NEBL: variants seen among roughly 807,000 people sequenced by gnomAD.
The protein encoded by NEBL is nebulette.
Under a neutral mutation model 140.2 loss-of-function variants are expected in NEBL, and 122 were observed. The observed-to-expected ratio is 0.87, with a 90% CI of 0.75 to 1.01. The LOEUF (loss-of-function observed/expected upper bound fraction) is 1.01, where lower values mean the gene tolerates loss of function less well. Ranked by LOEUF, NEBL falls within the 50% of genes least tolerant of loss-of-function variation. The pLI is 0.00. For missense variants in NEBL, 1,365 were observed against 1,231.3 expected, an observed-to-expected ratio of 1.11 and a Z score of -1.62; for synonymous variants, 436 against 398.9, an observed-to-expected ratio of 1.09 and a Z score of -1.11.
At chr10:21,001,129 C>A (rs1837877359) in intron 3 of NEBL, among the ~76,000 whole-genome samples, 1 of 152,136 alleles carries the variant, frequency 6.6e-6, no homozygotes. Context: ...TGGAGGTGGT[C>A]AGGAAAATGC....
At chr10:20,909,080 A>G (rs1021911579) in intron 4 of NEBL, among the ~76,000 whole-genome samples, 4 of 152,022 alleles carry the variant, frequency 2.6e-5, no homozygotes, top group Non-Finnish European at 5.9e-5. Flanking sequence ...CCAGGCATAC[A>G]ATGCATAATA....
At chr10:21,231,948 C>T (rs56882152) in intron 3 of NEBL, among the ~76,000 whole-genome samples, 5,252 of 152,180 alleles carry the variant, frequency 0.035, 119 homozygotes, top group Middle Eastern at 0.048. Context: ...CTCCCTTTTG[C>T]GGTTTATACA....
At chr10:21,101,203 C>T (rs1837461232) in intron 2 of NEBL, among the ~76,000 whole-genome samples, 1 of 152,190 alleles carries the variant, frequency 6.6e-6, no homozygotes, top group Non-Finnish European at 1.5e-5. Flanking sequence ...ATTATGATAT[C>T]ATTTTCCATG....
intron 26 of NEBL, among the ~76,000 whole-genome samples, chr10:20,806,147 G>A (rs1296539520): frequency 6.6e-6 from 1 of 152,122 alleles, no homozygotes; most frequent in East Asian, 1.9e-4. Context: ...AGAAAAAGAG[G>A]TGATTAACTA....
At chr10:21,111,380 T>G (rs373311741) in intron 2 of NEBL, among the ~76,000 whole-genome samples, 1 of 152,114 alleles carries the variant, frequency 6.6e-6, no homozygotes, top group African/African-American at 2.4e-5. Flanking sequence ...CTGGTACTGG[T>G]ACCAAAACAG....
Position 21,260,459 on chromosome 10 carries a change from AT to A in NEBL, n.183-8632del, listed in dbSNP as rs573229018. On this transcript the variant is annotated intron_variant and non_coding_transcript_variant, in intron 1 of 8. Coordinates refer to the NEBL transcript ENST00000675702. Reference sequence around the variant, plus strand: ...GAAACATTGACTTTTAATTTAGATAATTTCCTCTTTTTCTTTTTGCCTTGCC... The same window carrying A: ...GAAACATTGACTTTTAATTTAGATAATTCCTCTTTTTCTTTTTGCCTTGCC... Among the ~76,000 whole-genome samples the A allele has an allele frequency of 4.4e-3, 673 of 152,224 alleles. 4 individuals carry two copies. The highest frequency in any genetic ancestry group is 0.013 in the Admixed American group (201 of 15,296).
At chr10:21,015,704 A>G (rs7904906) in intron 3 of NEBL, among the ~76,000 whole-genome samples, 35,949 of 151,858 alleles carry the variant, frequency 0.24, 7,650 homozygotes, top group African/African-American at 0.55. Context: ...TAGAAACAGG[A>G]GTCTCCCTAT....
intron 23 of NEBL, 133 bp downstream of exon 23, chr10:20,813,806 C>T: frequency 1.4e-6 from 1 of 693,438 alleles, no homozygotes; most frequent in Admixed American, 2.1e-5. Flanking sequence ...TAGAAATGCC[C>T]CTCCCTCAAA....
intron 2 of NEBL, among the ~76,000 whole-genome samples, chr10:21,168,777 G>A (rs147112844): frequency 0.013 from 2,039 of 151,854 alleles, 44 homozygotes; most frequent in African/African-American, 0.047. Context: ...GGCCGGGCGC[G>A]GTGGCTCATG....
Position 21,121,874 on chromosome 10 carries a change from A to T in NEBL, c.164+50509T>A, listed in dbSNP as rs1034778835. 2.6e-5 allele frequency among the ~76,000 whole-genome samples: 4 copies of T among 152,328 alleles called. No homozygotes were observed. The South Asian group carries it at 8.3e-4, about 32-fold the overall frequency. On this transcript the variant is annotated intron_variant, in intron 2 of 6. Transcript: ENST00000417816. ...AAATTTGAAGATGCAAATTCCTTTC[A>T]ATACTAAGCTTTTCTAAAACTTTGA...
chr10:20,864,114 T>C (rs1034807545), intron 7 of NEBL, among the ~76,000 whole-genome samples: 6 of 152,198 alleles, frequency 3.9e-5, no homozygotes, highest in Non-Finnish European at 7.4e-5. Flanking sequence ...TATAAATACA[T>C]AGCTTTTCCT....
chr10:20,880,887 T>C lies in NEBL; in HGVS notation c.387A>G (p.Lys129=). The change falls in exon 5 of 28, where the codon AAA becomes AAG. Residue 129 remains lysine, a synonymous_variant. Coordinates refer to ENST00000377122, the MANE Select transcript of NEBL (RefSeq NM_006393.3). ...QLQSEVAYKQ[K]HDAAKGFSDY... is the part of the protein sequence containing the mutation. Reference sequence around the variant, plus strand: ...CTGAGAATCCTTTGGCAGCATCATGTTTCTGCTTGTAGGCCACCTGAAAAA... The same window carrying C: ...CTGAGAATCCTTTGGCAGCATCATGCTTCTGCTTGTAGGCCACCTGAAAAA... 1 of 1,614,082 alleles carries C rather than the reference T, an allele frequency of 6.2e-7. No homozygotes were observed. Among genetic ancestry groups the C allele is most frequent in the Middle Eastern group, 1.6e-4 (1 of 6,062 alleles).
At chr10:21,081,097 C>T (rs1836348250) in intron 2 of NEBL, among the ~76,000 whole-genome samples, 1 of 152,128 alleles carries the variant, frequency 6.6e-6, no homozygotes, top group Non-Finnish European at 1.5e-5. Flanking sequence ...TCAAGTGATC[C>T]ACCCACCTCG....
chr10:20,983,028 G>C (rs1002123291), intron 3 of NEBL, among the ~76,000 whole-genome samples: 1 of 152,124 alleles, frequency 6.6e-6, no homozygotes, highest in Non-Finnish European at 1.5e-5. Flanking sequence ...GGATGGGTAG[G>C]GTAAGGTAGG....
chr10:20,989,859 G>C (rs918899841), intron 3 of NEBL, among the ~76,000 whole-genome samples: 1 of 152,108 alleles, frequency 6.6e-6, no homozygotes, highest in African/African-American at 2.4e-5. Flanking sequence ...AAAATTCAAA[G>C]AGTCAGTAAA....
chr10:20,804,632 G>A (rs1837439887), intron 26 of NEBL: 1 of 152,216 alleles, frequency 6.6e-6, no homozygotes, highest in Admixed American at 6.5e-5. Context: ...GGTGGCAGAA[G>A]TATTCCAGGC....
chr10:20,878,943 G>A (rs984794287), intron 5 of NEBL, among the ~76,000 whole-genome samples: 7 of 152,150 alleles, frequency 4.6e-5, no homozygotes, highest in African/African-American at 1.4e-4. Flanking sequence ...GAATTATAGA[G>A]TTGGAAAGAG....
rs117007251 is a variant in NEBL, at chr10:21,140,521, G to A, written c.164+31862C>T. On this transcript the variant is annotated intron_variant, in intron 2 of 6. Transcript: ENST00000417816. Reference sequence around the variant, plus strand: ...AGTTACAAATTGAATGGATTAATGGGAATATAGTCTGTCCAGCCTGAGTTT... The same window carrying A: ...AGTTACAAATTGAATGGATTAATGGAAATATAGTCTGTCCAGCCTGAGTTT... Among the ~76,000 whole-genome samples, 582 of 152,184 alleles carry A rather than the reference G, an allele frequency of 3.8e-3. 13 individuals are homozygous for A. In the East Asian group the frequency reaches 0.054, roughly 14 times the overall value.
intron 5 of NEBL, among the ~76,000 whole-genome samples, chr10:20,872,462 G>A (rs1279618897): frequency 6.6e-6 from 1 of 152,098 alleles, no homozygotes; most frequent in East Asian, 1.9e-4. Context: ...ATCTCCAAGG[G>A]TGTCTGAATA....
Sources: gnomAD v4.1 joint callset for allele counts (sites outside exome capture counted in the v4.1 genomes callset) on GRCh38, gnomAD v4.1.1 for gene constraint, MANE v1.5 for transcripts, NCBI Gene and HGNC (gene_info 2026-07-23, HGNC 2026-07-21) for gene names.